ZC3H12B: variants seen among roughly 807,000 people sequenced by gnomAD.
ZC3H12B encodes probable ribonuclease ZC3H12B.
ZC3H12B carries 7 observed loss-of-function variants against 43.9 expected under a neutral mutation model. That is an observed-to-expected ratio of 0.16 (90% CI 0.09 to 0.30). The LOEUF is 0.30. ZC3H12B is among the 10% of genes least tolerant of loss of function. The pLI is 1.00. For synonymous variants in ZC3H12B, 222 were observed against 241.7 expected (o/e 0.92, Z 0.76); for missense variants, 475 against 670.2 (o/e 0.71, Z 3.22).
chrX:65,229,450 T>A, the ZC3H12B span, among the ~76,000 whole-genome samples: 4 of 107,701 alleles, frequency 3.7e-5, no homozygotes, highest in African/African-American at 1.3e-4. Flanking sequence ...AACCTAGGCA[T>A]TACCATTCAG....
At chrX:65,097,238 A>T in the ZC3H12B span, among the ~76,000 whole-genome samples, 2 of 112,016 alleles carry the variant, frequency 1.8e-5, no homozygotes, top group African/African-American at 3.2e-5. Flanking sequence ...ACTGAACAAG[A>T]TAGAGCGTAT....
At chrX:65,192,565 G>A in the ZC3H12B span, among the ~76,000 whole-genome samples, 367 of 111,039 alleles carry the variant, frequency 3.3e-3, 3 homozygotes, top group African/African-American at 0.011. Context: ...GGAGGATGTT[G>A]AATATTATCA....
the ZC3H12B span, among the ~76,000 whole-genome samples, chrX:65,359,285 C>G: frequency 8.9e-6 from 1 of 111,754 alleles, no homozygotes; most frequent in Non-Finnish European, 1.9e-5. Flanking sequence ...CATCCTGCAG[C>G]CTAGAGATCA....
chrX:65,341,710 G>A, the ZC3H12B span, among the ~76,000 whole-genome samples: 102 of 109,680 alleles, frequency 9.3e-4, no homozygotes, highest in East Asian at 0.015. Context: ...CCTGAAAAAA[G>A]CACTAAATAC....
chrX:65,125,674 A>T, the ZC3H12B span, among the ~76,000 whole-genome samples: 1 of 111,118 alleles, frequency 9.0e-6, no homozygotes, highest in Non-Finnish European at 1.9e-5. Flanking sequence ...AAGTGCATAT[A>T]TAATTAGAAT....
chrX:65,499,247 C>T lies in ZC3H12B; in HGVS notation c.983+14C>T. On this transcript the variant is annotated intron_variant, in intron 3 of 4. Transcript: ENST00000338957. ...TGTGAATGACAAGTGCGTTTCTTTC[C>T]AGTAGGCCTATATCCAAGTTATCAG... The T allele has an allele frequency of 9.0e-7, 1 of 1,111,299 alleles. No homozygotes were observed. The highest frequency in any genetic ancestry group is 1.2e-6 in the Non-Finnish European group (1 of 808,504). 91.6% of individuals were successfully genotyped at this position (1,111,299 alleles called of 1,213,427 possible).
At chrX:65,311,546 G>A in the ZC3H12B span, among the ~76,000 whole-genome samples, 1 of 111,801 alleles carries the variant, frequency 8.9e-6, no homozygotes, top group Non-Finnish European at 1.9e-5. Flanking sequence ...ACTGTTGGTG[G>A]GACTGTAAAC....
intron 1 of ZC3H12B, among the ~76,000 whole-genome samples, chrX:65,367,874 G>A (rs1348712296): frequency 2.7e-5 from 3 of 110,597 alleles, no homozygotes; most frequent in Non-Finnish European, 5.7e-5. Context: ...CAGAATTTAT[G>A]GCCTGATTTG....
the ZC3H12B span, among the ~76,000 whole-genome samples, chrX:65,148,902 A>G: frequency 1.8e-5 from 2 of 111,019 alleles, no homozygotes; most frequent in East Asian, 5.7e-4. Flanking sequence ...TGATGTCTGG[A>G]CCTGTCAGTG....
At chrX:65,206,049 A>G in the ZC3H12B span, among the ~76,000 whole-genome samples, 5 of 112,384 alleles carry the variant, frequency 4.4e-5, no homozygotes, top group African/African-American at 3.2e-5. Context: ...ATGCTCATGG[A>G]TGGCTAGAAT....
the ZC3H12B span, among the ~76,000 whole-genome samples, chrX:65,343,633 A>G: frequency 1.6e-3 from 184 of 112,529 alleles, no homozygotes; most frequent in Non-Finnish European, 2.5e-3. Flanking sequence ...ACACCGCTTC[A>G]TTTTAAAAAC....
At chrX:65,455,707 A>G (rs2067598302) in intron 3 of ZC3H12B, among the ~76,000 whole-genome samples, 1 of 112,007 alleles carries the variant, frequency 8.9e-6, no homozygotes, top group South Asian at 3.7e-4. Context: ...GAAGGAAAAA[A>G]TATTAAGGGC....
At chrX:65,392,906 A>T (rs773639230) in intron 2 of ZC3H12B, among the ~76,000 whole-genome samples, 219 of 112,854 alleles carry the variant, frequency 1.9e-3, no homozygotes, top group Non-Finnish European at 3.3e-3. Flanking sequence ...ACTAAGAAAA[A>T]TTCTTCTGCT....
the ZC3H12B span, among the ~76,000 whole-genome samples, chrX:65,157,342 T>C: frequency 3.2e-4 from 36 of 112,533 alleles, no homozygotes; most frequent in Non-Finnish European, 6.4e-4. Context: ...GCTCAACATC[T>C]TAATTTTCAG....
At chrX:65,151,458 G>T in the ZC3H12B span, among the ~76,000 whole-genome samples, 1 of 111,837 alleles carries the variant, frequency 8.9e-6, no homozygotes, top group Non-Finnish European at 1.9e-5. Context: ...TCATCAAATT[G>T]TGTTGTACCC....
chrX:65,147,397 GGT>G, the ZC3H12B span, among the ~76,000 whole-genome samples: 1 of 111,473 alleles, frequency 9.0e-6, no homozygotes, highest in African/African-American at 3.3e-5. Flanking sequence ...CTGTTGATTG[GGT>G]GTGTGTGGTT....
At chrX:65,220,152 G>T in the ZC3H12B span, among the ~76,000 whole-genome samples, 1 of 111,404 alleles carries the variant, frequency 9.0e-6, no homozygotes, top group Non-Finnish European at 1.9e-5. Context: ...AAAAAATGCT[G>T]ACAGAATTCA....
chrX:65,197,141 G>A, the ZC3H12B span, among the ~76,000 whole-genome samples: 1 of 112,190 alleles, frequency 8.9e-6, no homozygotes, highest in Admixed American at 9.4e-5. Context: ...CAAAAGGCGC[G>A]AGACAAAGTC....
At chrX:65,246,428 A>G in the ZC3H12B span, among the ~76,000 whole-genome samples, 56 of 112,183 alleles carry the variant, frequency 5.0e-4, no homozygotes, top group African/African-American at 1.7e-3. Context: ...TTCATATGAA[A>G]CCAAAAGAGA....
Sources: gnomAD v4.1 joint callset for allele counts (sites outside exome capture counted in the v4.1 genomes callset) on GRCh38, gnomAD v4.1.1 for gene constraint, MANE v1.5 for transcripts, NCBI Gene and HGNC (gene_info 2026-07-23, HGNC 2026-07-21) for gene names.